The following COL21A1 variants were observed in gnomAD, a reference collection of about 807,000 sequenced individuals.
COL21A1 encodes collagen type XXI alpha 1 chain.
A neutral mutation model predicts 137.9 loss-of-function variants in COL21A1; 149 were observed. The observed-to-expected ratio is 1.08, with a 90% CI of 0.95 to 1.24. The LOEUF is 1.24. COL21A1 is among the 50% of genes most tolerant of loss of function. The probability of loss-of-function intolerance (pLI) is 0.00; values close to 1 mark genes in which losing one functional copy is unlikely to be tolerated. For synonymous variants in COL21A1, 456 were observed against 391.5 expected (o/e 1.16, Z -1.95); for missense variants, 1,167 against 1,158.4 (o/e 1.01, Z -0.11).
chr6:56,211,425 G>T (rs1780170231), intron 1 of COL21A1, among the ~76,000 whole-genome samples: 2 of 151,742 alleles, frequency 1.3e-5, no homozygotes, highest in South Asian at 4.2e-4. Context: ...TTAATAGTTG[G>T]AGTTACTAAA....
intron 23 of COL21A1, 36 bp downstream of exon 23, chr6:56,067,259 A>T: frequency 6.4e-7 from 1 of 1,551,678 alleles, no homozygotes; most frequent in Non-Finnish European, 8.8e-7. Flanking sequence ...CTCTGATTTT[A>T]TTGCTCAGCC....
intron 1 of COL21A1, among the ~76,000 whole-genome samples, chr6:56,384,105 G>A (rs1230312806): frequency 6.6e-6 from 1 of 152,152 alleles, no homozygotes; most frequent in African/African-American, 2.4e-5. Flanking sequence ...AGTCCAAGAG[G>A]CTAGGCAGTG....
chr6:56,212,342 G>GC (rs1472030068), intron 1 of COL21A1, among the ~76,000 whole-genome samples: 2 of 151,792 alleles, frequency 1.3e-5, no homozygotes, highest in African/African-American at 4.8e-5. Context: ...CGGGAACACA[G>GC]CCCCCCACCA....
chr6:56,119,799 C>T (rs1423327763), intron 16 of COL21A1, among the ~76,000 whole-genome samples: 5 of 152,060 alleles, frequency 3.3e-5, no homozygotes, highest in Non-Finnish European at 7.4e-5. Flanking sequence ...CGAGAACATA[C>T]ACTAGGGAAA....
chr6:56,291,618 G>A (rs1206795439), intron 1 of COL21A1, among the ~76,000 whole-genome samples: 1 of 152,226 alleles, frequency 6.6e-6, no homozygotes, highest in Non-Finnish European at 1.5e-5. Context: ...GGTGGGTTTG[G>A]AGTTGAGAGG....
chr6:56,252,038 G>T (rs1782865933), upstream of COL21A1, among the ~76,000 whole-genome samples: 1 of 152,170 alleles, frequency 6.6e-6, no homozygotes, highest in Non-Finnish European at 1.5e-5. Context: ...ATCTTGTTTT[G>T]CAGGTTGCAG....
chr6:56,307,237 C>G (rs1006296689), intron 1 of COL21A1, among the ~76,000 whole-genome samples: 2 of 152,332 alleles, frequency 1.3e-5, no homozygotes, highest in African/African-American at 4.8e-5. Flanking sequence ...AGAACCACTA[C>G]TCTCTTCAAA....
intron 1 of COL21A1, among the ~76,000 whole-genome samples, chr6:56,233,881 A>G (rs1250112196): frequency 6.6e-6 from 1 of 151,844 alleles, no homozygotes; most frequent in Non-Finnish European, 1.5e-5. Flanking sequence ...TTCTCATCAC[A>G]AAAGTGAAGC....
chr6:56,295,685 C>A (rs72866977), intron 1 of COL21A1, among the ~76,000 whole-genome samples: 7,179 of 151,698 alleles, frequency 0.047, 224 homozygotes, highest in Non-Finnish European at 0.073. Context: ...CTGTTTATTT[C>A]TTTTTGGAGC....
intron 22 of COL21A1, among the ~76,000 whole-genome samples, chr6:56,067,868 T>C (rs1766398584): frequency 1.3e-5 from 2 of 151,680 alleles, no homozygotes; most frequent in Admixed American, 1.3e-4. Flanking sequence ...AACCAACTTA[T>C]ACAATGCCCT....
chr6:56,276,431 A>T (rs964850431), intron 1 of COL21A1: 129 of 535,428 alleles, frequency 2.4e-4, no homozygotes, highest in Non-Finnish European at 3.1e-4. Flanking sequence ...TTTTTTTTTT[A>T]AAGTCAACAA....
intron 1 of COL21A1, among the ~76,000 whole-genome samples, chr6:56,280,051 A>G (rs1286125352): frequency 1.3e-5 from 2 of 152,166 alleles, no homozygotes; most frequent in Non-Finnish European, 1.5e-5. Flanking sequence ...CTTTCACTAC[A>G]TACGTTACCT....
At chr6:56,216,878 A>G (rs1157075289) in intron 1 of COL21A1, among the ~76,000 whole-genome samples, 1 of 152,096 alleles carries the variant, frequency 6.6e-6, no homozygotes, top group Non-Finnish European at 1.5e-5. Context: ...CAAGATAATT[A>G]CAGAATAATT....
chr6:56,116,229 C>G (rs964297047), intron 16 of COL21A1, among the ~76,000 whole-genome samples: 1 of 151,678 alleles, frequency 6.6e-6, no homozygotes, highest in Non-Finnish European at 1.5e-5. Flanking sequence ...AATAATCAAA[C>G]TCTACAAGGT....
chr6:56,192,684 C>A (rs1233896621), intron 1 of COL21A1, among the ~76,000 whole-genome samples: 1 of 152,114 alleles, frequency 6.6e-6, no homozygotes, highest in Non-Finnish European at 1.5e-5. Context: ...AGTCAAGAAA[C>A]AACAGATGCT....
At chr6:56,087,195 T>C (rs755800307) in intron 17 of COL21A1, among the ~76,000 whole-genome samples, 30 of 152,206 alleles carry the variant, frequency 2.0e-4, no homozygotes, top group South Asian at 8.3e-4. Flanking sequence ...TTTTCTCCAG[T>C]AGAATTTTAT....
At chr6:56,098,358 T>TATAAATATATAAACAC (rs1769842846) in intron 17 of COL21A1, among the ~76,000 whole-genome samples, 1 of 40,370 alleles carries the variant, frequency 2.5e-5, no homozygotes, top group African/African-American at 1.6e-4. Flanking sequence ...TATAAATATA[T>TATAAATATATAAACAC]ATATGAATAT....
chr6:56,349,371 T>C (rs1298833611), intron 1 of COL21A1, among the ~76,000 whole-genome samples: 1 of 151,044 alleles, frequency 6.6e-6, no homozygotes, highest in East Asian at 1.9e-4. Flanking sequence ...TTTAACCACA[T>C]AGACTGAGAT....
chr6:56,231,432 A>G (rs1781550589), intron 1 of COL21A1, among the ~76,000 whole-genome samples: 1 of 151,846 alleles, frequency 6.6e-6, no homozygotes, highest in African/African-American at 2.4e-5. Context: ...AAAAGAGGAT[A>G]GTACTGAGAA....
Sources: gnomAD v4.1 joint callset for allele counts (sites outside exome capture counted in the v4.1 genomes callset) on GRCh38, gnomAD v4.1.1 for gene constraint, MANE v1.5 for transcripts, NCBI Gene and HGNC (gene_info 2026-07-23, HGNC 2026-07-21) for gene names.